MYO1B: variants seen among roughly 807,000 people sequenced by gnomAD.
MYO1B encodes myosin IB, also known as unconventional myosin-Ib.
A neutral mutation model predicts 159.7 loss-of-function variants in MYO1B; 72 were observed. The observed-to-expected ratio is 0.45, with a 90% CI of 0.37 to 0.55. MYO1B has a LOEUF of 0.55. Among genes scored for constraint, MYO1B ranks in the 20% least tolerant of loss-of-function variants. The pLI is 0.00. For missense variants in MYO1B, 1,062 were observed against 1,364.8 expected (o/e 0.78, Z 3.50); for synonymous variants, 468 against 473.8 (o/e 0.99, Z 0.16).
intron 17 of MYO1B, 77 bp from the exon 18 acceptor site, chr2:191,390,215 T>C: frequency 7.4e-7 from 1 of 1,347,392 alleles, no homozygotes; most frequent in Non-Finnish European, 1.0e-6. Context: ...AACAGTTATA[T>C]ATAATACTTT....
At chr2:191,296,285 GATGT>G in intron 3 of MYO1B, 59 bp downstream of exon 3, 8 of 947,144 alleles carry the variant, frequency 8.4e-6, no homozygotes, top group Non-Finnish European at 1.3e-5. Flanking sequence ...GTAGTTGACA[GATGT>G]GTGCAGCTGT....
intron 30 of MYO1B, 131 bp downstream of exon 30, chr2:191,416,373 A>G: frequency 9.2e-7 from 1 of 1,088,730 alleles, no homozygotes; most frequent in Non-Finnish European, 1.3e-6. Context: ...GTTCCACATG[A>G]TAAATGGGCA....
chr2:191,410,409 C>T (rs1559245215), intron 26 of MYO1B, among the ~76,000 whole-genome samples: 2 of 152,194 alleles, frequency 1.3e-5, no homozygotes. Context: ...CCTGGCCCTG[C>T]TCCTCTGGCC....
chr2:191,368,049 A>G (rs1694121102), intron 11 of MYO1B, among the ~76,000 whole-genome samples: 1 of 152,216 alleles, frequency 6.6e-6, no homozygotes, highest in Admixed American at 6.5e-5. Flanking sequence ...TCTTAGGTAT[A>G]TTCTCTAACC....
chr2:191,424,910 G>T lies in MYO1B; in HGVS notation c.*950G>T, dbSNP rs1698138069. On this transcript the variant is annotated 3_prime_UTR_variant, in exon 31 of 31. Transcript: ENST00000392318. Reference sequence around the variant, plus strand: ...GTATGATGTGCAATAAAACATCCAAGATCTTTTTTGAAAGTTTTATTTATA... The same window carrying T: ...GTATGATGTGCAATAAAACATCCAATATCTTTTTTGAAAGTTTTATTTATA... The T allele has an allele frequency of 6.6e-6, 1 of 152,530 alleles. No individual in the cohort carries two copies. The highest frequency in any genetic ancestry group is 1.5e-5 in the Non-Finnish European group (1 of 67,970). The allele number at this position is 152,530 out of a possible 1,614,324, so 9.4% of individuals were successfully genotyped here. A position where few individuals can be genotyped will look rare whatever the true frequency, so the allele number is the denominator to read the frequency against.
At chr2:191,416,078 T>A (rs376056690) in intron 29 of MYO1B, 37 bp from the exon 30 acceptor site, 2 of 1,597,360 alleles carry the variant, frequency 1.3e-6, no homozygotes, top group Non-Finnish European at 1.7e-6. Flanking sequence ...TTCTAAGGTA[T>A]CTTTAATTAT....
intron 3 of MYO1B, among the ~76,000 whole-genome samples, chr2:191,329,474 G>T (rs1366378483): frequency 6.6e-6 from 1 of 151,564 alleles, no homozygotes; most frequent in East Asian, 1.9e-4. Context: ...AAATCTCAAC[G>T]TTATCCAATT....
chr2:191,290,969 G>A (rs1688655126), intron 2 of MYO1B, among the ~76,000 whole-genome samples: 1 of 152,134 alleles, frequency 6.6e-6, no homozygotes, highest in Non-Finnish European at 1.5e-5. Flanking sequence ...TACAGACATT[G>A]GTTTTCAACC....
At chr2:191,280,710 G>C (rs140551143) in intron 2 of MYO1B, among the ~76,000 whole-genome samples, 69 of 152,310 alleles carry the variant, frequency 4.5e-4, no homozygotes, top group African/African-American at 1.6e-3. Flanking sequence ...TGTATGTGAG[G>C]GGGTGGGTTC....
intron 1 of MYO1B, among the ~76,000 whole-genome samples, chr2:191,252,062 T>G (rs1686157103): frequency 6.6e-6 from 1 of 152,274 alleles, no homozygotes; most frequent in African/African-American, 2.4e-5. Flanking sequence ...GGTCACTGTT[T>G]TATTCATTTT....
intron 3 of MYO1B, among the ~76,000 whole-genome samples, chr2:191,305,574 T>G (rs1689600849): frequency 6.6e-6 from 1 of 152,172 alleles, no homozygotes; most frequent in Admixed American, 6.5e-5. Flanking sequence ...CATGTTGAGG[T>G]GCTGGGAATA....
At chr2:191,387,081 A>G in intron 16 of MYO1B, 143 bp from the exon 17 acceptor site, 1 of 736,142 alleles carries the variant, frequency 1.4e-6, no homozygotes. Context: ...CGAACTCATT[A>G]TGAGAGTGTG....
At chr2:191,402,590 G>A in intron 23 of MYO1B, 42 bp from the exon 24 acceptor site, 2 of 1,533,688 alleles carry the variant, frequency 1.3e-6, no homozygotes, top group Non-Finnish European at 1.8e-6. Flanking sequence ...TGTGCTGTCT[G>A]CATTGGGCTG....
chr2:191,257,303 G>C (rs1234177956), intron 1 of MYO1B, among the ~76,000 whole-genome samples: 1 of 152,072 alleles, frequency 6.6e-6, no homozygotes, highest in Admixed American at 6.6e-5. Context: ...AAAAGCACCA[G>C]GAATCTTGGA....
chr2:191,422,336 C>T (rs1400357094), intron 30 of MYO1B, among the ~76,000 whole-genome samples: 2 of 152,128 alleles, frequency 1.3e-5, no homozygotes, highest in African/African-American at 4.8e-5. Flanking sequence ...GTGATGCTAT[C>T]CTCAGTTCAG....
At chr2:191,247,110 G>C (rs1031743485) in intron 1 of MYO1B, among the ~76,000 whole-genome samples, 3 of 152,196 alleles carry the variant, frequency 2.0e-5, no homozygotes, top group Non-Finnish European at 4.4e-5. Flanking sequence ...GGAGGAGGCT[G>C]ACATTTCCAG....
intron 21 of MYO1B, among the ~76,000 whole-genome samples, chr2:191,399,780 G>A (rs1449657874): frequency 6.6e-6 from 1 of 152,100 alleles, no homozygotes; most frequent in Non-Finnish European, 1.5e-5. Context: ...TGAAACTGCT[G>A]CCTGCAGGCT....
At chr2:191,384,132 G>A (rs532999498) in intron 15 of MYO1B, among the ~76,000 whole-genome samples, 2 of 152,304 alleles carry the variant, frequency 1.3e-5, no homozygotes, top group South Asian at 4.1e-4. Flanking sequence ...CTGAGTCCAA[G>A]ATTTTTGTTT....
At chr2:191,247,392 T>C in intron 1 of MYO1B, among the ~76,000 whole-genome samples, 1 of 152,108 alleles carries the variant, frequency 6.6e-6, no homozygotes, top group Non-Finnish European at 1.5e-5. Context: ...GAAAAAAATA[T>C]CTCCTGCCCA....
Sources: allele counts gnomAD v4.1 joint callset (sites outside exome capture counted in the v4.1 genomes callset), GRCh38; gene constraint gnomAD v4.1.1; transcripts MANE v1.5; gene names NCBI Gene and HGNC (gene_info 2026-07-23, HGNC 2026-07-21).